The following CFAP221 variants were observed in gnomAD, a reference collection of about 807,000 sequenced individuals.
CFAP221 encodes the protein cilia- and flagella-associated protein 221.
Under a neutral mutation model 113.1 loss-of-function variants are expected in CFAP221, and 97 were observed. The observed-to-expected ratio is 0.86, with a 90% CI of 0.73 to 1.02. CFAP221 has a LOEUF of 1.02. CFAP221 is among the 50% of genes least tolerant of loss of function. The probability of loss-of-function intolerance (pLI) is 0.00; values close to 1 mark genes in which losing one functional copy is unlikely to be tolerated. For missense variants in CFAP221, 1,025 were observed against 1,013.4 expected (o/e 1.01, Z -0.16); for synonymous variants, 331 against 354.4 (o/e 0.93, Z 0.74).
At chr2:119,606,803 A>C (rs1684801362) in intron 11 of CFAP221, among the ~76,000 whole-genome samples, 1 of 152,038 alleles carries the variant, frequency 6.6e-6, no homozygotes, top group South Asian at 2.1e-4. Context: ...ATTTTTCCCA[A>C]CTTTTTATGT....
At chr2:119,564,060 G>C (rs1681449261) in intron 6 of CFAP221, among the ~76,000 whole-genome samples, 1 of 152,216 alleles carries the variant, frequency 6.6e-6, no homozygotes, top group South Asian at 2.1e-4. Context: ...GCTTATGGAG[G>C]GGGAAGCAAG....
Position 119,627,779 on chromosome 2 carries a change from A to T in CFAP221, c.1643A>T (p.Asn548Ile). The change falls in exon 16 of 24, where the codon AAC (asparagine) becomes ATC (isoleucine). Residue 548 changes from asparagine to isoleucine, a missense_variant. Physicochemically the swap from Asn to Ile is moderately radical, Grantham distance 149. Transcript: ENST00000413369. ...FPDCSPPQDSNELAPDGLGLV... is the reference protein window; with the variant it reads ...FPDCSPPQDSIELAPDGLGLV... ...GACTGCAGCCCACCCCAGGACTCCA[A>T]CGAGTTGGTAGGTGCCGTCAGGCTT... 2 of 1,613,574 alleles carry T rather than the reference A, an allele frequency of 1.2e-6. No homozygotes were observed. The highest frequency in any genetic ancestry group is 3.3e-4 in the Middle Eastern group (2 of 6,046).
chr2:119,648,659 T>C (rs955921500), intron 22 of CFAP221: 2 of 156,918 alleles, frequency 1.3e-5, no homozygotes, highest in African/African-American at 4.8e-5. Flanking sequence ...GAGGGAACAT[T>C]TTAAGTCTCA....
chr2:119,578,245 A>G (rs1251180278), intron 6 of CFAP221, among the ~76,000 whole-genome samples: 1 of 152,216 alleles, frequency 6.6e-6, no homozygotes, highest in Non-Finnish European at 1.5e-5. Flanking sequence ...GTATTCTATT[A>G]GTTAAGTAGT....
chr2:119,561,921 A>G, intron 5 of CFAP221, 93 bp from the exon 6 acceptor site: 7 of 845,294 alleles, frequency 8.3e-6, no homozygotes, highest in South Asian at 1.6e-5. Context: ...TTTTTTAACG[A>G]TGGAAACAAG....
At chr2:119,600,417 A>G (rs1174730920) in intron 7 of CFAP221, among the ~76,000 whole-genome samples, 2 of 152,240 alleles carry the variant, frequency 1.3e-5, no homozygotes, top group Non-Finnish European at 2.9e-5. Flanking sequence ...TGCTTACAGC[A>G]TTAATATTGA....
chr2:119,646,491 C>G (rs759768559), intron 21 of CFAP221, among the ~76,000 whole-genome samples: 52 of 152,086 alleles, frequency 3.4e-4, no homozygotes, highest in Non-Finnish European at 6.2e-4. Flanking sequence ...CAAGATAACT[C>G]ACTCACTCAC....
At chr2:119,571,133 C>CTTTTTTTTTTTTTTTT (rs34017847) in intron 6 of CFAP221, among the ~76,000 whole-genome samples, 3 of 93,132 alleles carry the variant, frequency 3.2e-5, no homozygotes, top group African/African-American at 8.7e-5. Context: ...TAACAACCCC[C>CTTTTTTTTTTTTTTTT]TTTTTTTTTT....
chr2:119,630,963 A>G, intron 19 of CFAP221, 62 bp downstream of exon 19: 2 of 1,580,354 alleles, frequency 1.3e-6, no homozygotes, highest in South Asian at 1.1e-5. Context: ...ATTACTCTAT[A>G]GGAAACAGAG....
chr2:119,561,910 A>C (rs1243642010), intron 5 of CFAP221, 104 bp from the exon 6 acceptor site: 2 of 807,510 alleles, frequency 2.5e-6, no homozygotes, highest in African/African-American at 3.5e-5. Flanking sequence ...TTAAGGAAAT[A>C]TTTTTTAACG....
rs375413288 is a variant in CFAP221 at position 119,651,947 on chromosome 2, C to T, written c.2319-27C>T. 88 of 1,524,304 alleles carry T rather than the reference C, an allele frequency of 5.8e-5. No homozygotes were observed. In the Middle Eastern group the frequency reaches 1.0e-3, roughly 18 times the overall value. The allele number at this position is 1,524,304 out of a possible 1,614,324, so 94.4% of individuals were successfully genotyped here. A position where few individuals can be genotyped will look rare whatever the true frequency, so the allele number is the denominator to read the frequency against. ...TTTACACTGGGAAGGAAAAGCAGTG[C>T]CCACTAAACATCTTATTACTTTGCA... On this transcript the variant is annotated intron_variant, in intron 22 of 23. Transcript: ENST00000413369.
At chr2:119,559,065 G>C (rs1022168562) in intron 3 of CFAP221, among the ~76,000 whole-genome samples, 1 of 152,138 alleles carries the variant, frequency 6.6e-6, no homozygotes, top group African/African-American at 2.4e-5. Flanking sequence ...AAATTCTTGT[G>C]TCCCTTTCAA....
intron 21 of CFAP221, among the ~76,000 whole-genome samples, chr2:119,640,118 A>G (rs939773): frequency 1 from 152,014 of 152,198 alleles, 75,915 homozygotes; most frequent in Non-Finnish European, 1. Context: ...ACAAGTAGAC[A>G]ACCATTCCAT....
At position 119,625,021 on chromosome 2, in the gene CFAP221, T is replaced by TA. The variant is rs111892225; in HGVS notation, c.1411-550dup. On this transcript the variant is annotated intron_variant, in intron 14 of 23. Coordinates refer to ENST00000413369, the MANE Select transcript of CFAP221 (RefSeq NM_001271049.2). ...GTATCCCAGAACTTACAGTATATAT[T>TA]AAAAAAAAAAAAGAGCTGCTTACAG... 1.8e-3 allele frequency among the ~76,000 whole-genome samples: 264 copies of TA among 142,736 alleles called. 1 individual carries two copies. The East Asian group carries it at 0.02, about 11-fold the overall frequency. The allele number at this position is 142,736 out of a possible 152,430, so 93.6% of individuals were successfully genotyped here.
intron 14 of CFAP221, among the ~76,000 whole-genome samples, chr2:119,623,075 A>G (rs1178715220): frequency 6.6e-6 from 1 of 152,186 alleles, no homozygotes; most frequent in African/African-American, 2.4e-5. Context: ...AGGAAGTCAA[A>G]TTGTCTCTTT....
intron 6 of CFAP221, among the ~76,000 whole-genome samples, chr2:119,568,896 A>C (rs188060405): frequency 2.2e-4 from 33 of 152,342 alleles, no homozygotes; most frequent in Non-Finnish European, 3.8e-4. Context: ...TCCACTGGCA[A>C]CAAATTCCCT....
chr2:119,544,913 T>C (rs1339642702), intron 1 of CFAP221, among the ~76,000 whole-genome samples: 1 of 151,698 alleles, frequency 6.6e-6, no homozygotes, highest in Admixed American at 6.6e-5. Flanking sequence ...GCACAGGGGA[T>C]GTGAGGCTCC....
intron 8 of CFAP221, chr2:119,601,646 G>A (rs1294058015): frequency 3.2e-6 from 1 of 313,542 alleles, no homozygotes. Context: ...CTGGTGCACT[G>A]TTGGAATTTT....
chr2:119,627,784 T>C lies in CFAP221; in HGVS notation c.1648T>C (p.Leu550=). The C allele has an allele frequency of 6.2e-7, 1 of 1,612,946 alleles. No homozygotes were observed. The highest frequency in any genetic ancestry group is 8.5e-7 in the Non-Finnish European group (1 of 1,179,546). ...CAGCCCACCCCAGGACTCCAACGAG[T>C]TGGTAGGTGCCGTCAGGCTTGGGGG... ...DCSPPQDSNE[L]APDGLGLVPI... The change falls in exon 16 of 24, where the codon TTG becomes CTG. Residue 550 remains leucine, a splice_region_variant and synonymous_variant. Transcript: ENST00000413369.
Sources: gnomAD v4.1 joint callset for allele counts (sites outside exome capture counted in the v4.1 genomes callset) on GRCh38, gnomAD v4.1.1 for gene constraint, MANE v1.5 for transcripts, NCBI Gene and HGNC (gene_info 2026-07-23, HGNC 2026-07-21) for gene names.